PRICKLE3: variants seen among roughly 807,000 people sequenced by gnomAD.
PRICKLE3 encodes prickle planar cell polarity protein 3, also known as LIM domain only protein 6.
Under a neutral mutation model 33.8 loss-of-function variants are expected in PRICKLE3, and 17 were observed. The observed-to-expected ratio is 0.50, with a 90% CI of 0.34 to 0.75. The LOEUF is 0.75. PRICKLE3 is among the 30% of genes least tolerant of loss of function. The pLI, the probability that PRICKLE3 is intolerant of heterozygous loss-of-function variation, is 0.01. For missense variants in PRICKLE3, 573 were observed against 576.7 expected, an observed-to-expected ratio of 0.99 and a Z score of 0.07; for synonymous variants, 211 against 219.6, an observed-to-expected ratio of 0.96 and a Z score of 0.34.
At chrX:49,184,501 C>T in intron 2 of PRICKLE3, 124 bp downstream of exon 2, 2 of 659,079 alleles carry the variant, frequency 3.0e-6, no homozygotes, top group Non-Finnish European at 4.4e-6. Flanking sequence ...GCCTGAGGCT[C>T]TTTTCCCAAC....
chrX:49,180,614 C>T (rs781907340), intron 3 of PRICKLE3, among the ~76,000 whole-genome samples: 1 of 111,635 alleles, frequency 9.0e-6, no homozygotes, highest in East Asian at 2.8e-4. Context: ...TTCCAGGACA[C>T]CACACAGTCC....
At position 49,179,804 on chromosome X, in the gene PRICKLE3, T is replaced by C. The variant is rs1203590039; in HGVS notation, c.315A>G (p.Val105=). 1.9e-6 allele frequency: 2 copies of C among 1,073,914 alleles called. No individual in the cohort carries two copies. The highest frequency in any genetic ancestry group is 2.5e-6 in the Non-Finnish European group (2 of 797,166). 88.5% of individuals were successfully genotyped at this position (1,073,914 alleles called of 1,213,427 possible). Residue 105 remains valine (V), a splice_region_variant and synonymous_variant, in exon 4 of 9, where the codon GTA becomes GTG. Transcript: ENST00000599218. ...WVPPGLKPEQ[V]YQFFSCLPED... ...CTGGGAGGCAGCTGAAAAATTGATA[T>C]ACCTGGGAGGACATAGGAGTGGGAG...
In PRICKLE3 at chrX:49,175,619, G is replaced by A. The variant is rs1182174193; in HGVS notation, c.*54C>T. On this transcript the variant is annotated 3_prime_UTR_variant, in exon 9 of 9. Transcript: ENST00000599218. ...CGGGGCGTGGGGGTGAGGGGCATGG[G>A]CCTCATCATCTACTCTGACTGGAGA... 19 of 1,064,547 alleles carry A rather than the reference G, an allele frequency of 1.8e-5. No homozygotes were observed. Among genetic ancestry groups the A allele is most frequent in the Non-Finnish European group, 2.4e-5 (19 of 779,023 alleles). 87.7% of individuals were successfully genotyped at this position (1,064,547 alleles called of 1,213,427 possible).
chrX:49,180,512 T>C (rs2065443651), intron 3 of PRICKLE3, among the ~76,000 whole-genome samples: 2 of 111,289 alleles, frequency 1.8e-5, no homozygotes, highest in South Asian at 7.6e-4. Context: ...TTAAAATCAT[T>C]GTTCAGGTCT....
At chrX:49,180,035 CTTTTTT>C (rs150588040) in intron 3 of PRICKLE3, among the ~76,000 whole-genome samples, 3 of 54,392 alleles carry the variant, frequency 5.5e-5, no homozygotes, top group South Asian at 2.0e-3. Context: ...TGCTGATCAC[CTTTTTT>C]TTTTTTTTTT....
chrX:49,178,488 AAG>A lies in PRICKLE3; in HGVS notation c.565-15_565-14del. ...TCTGCTTTCCGCACTGCCATGAGAC[AAG>A]CACCAAGATGGTTACCATCACTGTC... On this transcript the variant is annotated splice_polypyrimidine_tract_variant and intron_variant, in intron 5 of 8. Transcript: ENST00000599218. 8.3e-7 allele frequency: 1 copy of A among 1,198,491 alleles called. No individual in the cohort carries two copies. The highest frequency in any genetic ancestry group is 3.0e-5 in the East Asian group (1 of 33,581).
At chrX:49,183,394 C>T (rs1557101431) in intron 3 of PRICKLE3, among the ~76,000 whole-genome samples, 4 of 111,252 alleles carry the variant, frequency 3.6e-5, no homozygotes, top group African/African-American at 1.3e-4. Context: ...CCTGTCTCTA[C>T]AAAAAAATTT....
chrX:49,184,665 A>G lies in PRICKLE3; in HGVS notation c.88T>C (p.Cys30Arg), dbSNP rs1381252337. Reference sequence around the variant, plus strand: ...AGGAAGCCAGGGCACTGCTCCCTACAGGAGTTGCAGGGCTGGCCCCGGTCT... The same window carrying G: ...AGGAAGCCAGGGCACTGCTCCCTACGGGAGTTGCAGGGCTGGCCCCGGTCT... Reference protein sequence around the residue: ...DPDRGQPCNSCREQCPGFLLH... With the variant: ...DPDRGQPCNSRREQCPGFLLH... Residue 30 changes from cysteine (C) to arginine (R), a missense_variant, in exon 2 of 9, where the codon TGT becomes CGT. Cys to Arg is a radical substitution (Grantham distance 180, BLOSUM62 -3). Transcript: ENST00000599218. The G allele has an allele frequency of 1.7e-6, 2 of 1,148,416 alleles. No individual in the cohort carries two copies. The highest frequency in any genetic ancestry group is 2.3e-6 in the Non-Finnish European group (2 of 862,179). 94.6% of individuals were successfully genotyped at this position (1,148,416 alleles called of 1,213,427 possible).
chrX:49,177,177 G>A lies in PRICKLE3; in HGVS notation c.981C>T (p.Tyr327=), dbSNP rs782473366. 6 of 1,183,223 alleles carry A rather than the reference G, an allele frequency of 5.1e-6. No individual in the cohort carries two copies. Among genetic ancestry groups the A allele is most frequent in the African/African-American group, 1.8e-5 (1 of 56,338 alleles). The change falls in exon 8 of 9, where the codon TAC becomes TAT. Residue 327 remains tyrosine, a synonymous_variant. Transcript: ENST00000599218. ...HIGLDQGQMA[Y]EGQHWHASDR... ...CTGAGGCATGCCAGTGCTGGCCCTC[G>A]TAAGCCATCTGGCCTTGGTCCAGGC... is the stretch of plus-strand genomic sequence containing the variant.
intron 7 of PRICKLE3, 62 bp from the exon 8 acceptor site, chrX:49,177,264 G>C (rs1602598279): frequency 1.9e-6 from 2 of 1,032,106 alleles, no homozygotes; most frequent in Non-Finnish European, 2.5e-6. Context: ...CCCACCCCTC[G>C]TGAACGAGTC....
intron 3 of PRICKLE3, chrX:49,183,481 C>T (rs1001552731): frequency 6.6e-6 from 4 of 604,050 alleles, no homozygotes; most frequent in Non-Finnish European, 9.8e-6. Flanking sequence ...CAGAGTGAGA[C>T]CCTGTCTCAA....
At position 49,175,681 on chromosome X, in the gene PRICKLE3, C is replaced by T. The variant is rs782595417; in HGVS notation, c.1840G>A (p.Val614Met). 6.4e-5 allele frequency: 77 copies of T among 1,206,959 alleles called. No homozygotes were observed. The highest frequency in any genetic ancestry group is 5.6e-4 in the East Asian group (19 of 33,733). Residue 614 changes from valine to methionine, a missense_variant, in exon 9 of 9, where the codon GTG (valine) becomes ATG (methionine). Val to Met is a conservative substitution (Grantham distance 21, BLOSUM62 1). Transcript: ENST00000599218. ...TCCAGGACGGCCTGCCTTCAAGCCA[C>T]GATGCAGTTCTTGTCTCGGGCCTGA... ...PRQARDKNCI[V>M]A
rs782448663 is a variant in PRICKLE3, at chrX:49,174,882, T to C, written c.*791A>G. ...CCCTCCTGGGTGTGGCCACCATATG[T>C]GTGTGCCTAGGTCCTCCTTCTGCAC... On this transcript the variant is annotated 3_prime_UTR_variant, in exon 9 of 9. Transcript: ENST00000599218. 1 of 493,810 alleles carries C rather than the reference T, an allele frequency of 2.0e-6. No homozygotes were observed. Among genetic ancestry groups the C allele is most frequent in the East Asian group, 3.7e-5 (1 of 27,225 alleles). The allele number at this position is 493,810 out of a possible 1,213,427, so 40.7% of individuals were successfully genotyped here.
chrX:49,175,090 C>T lies in PRICKLE3; in HGVS notation c.*583G>A, dbSNP rs2065407793. The T allele has an allele frequency of 3.9e-5, 10 of 257,990 alleles. No homozygotes were observed. Among genetic ancestry groups the T allele is most frequent in the Non-Finnish European group, 6.2e-5 (9 of 145,404 alleles). 21.3% of individuals were successfully genotyped at this position (257,990 alleles called of 1,213,427 possible). On this transcript the variant is annotated 3_prime_UTR_variant, in exon 9 of 9. Transcript: ENST00000599218. ...GAATAATAAACATTGTTAAAATATA[C>T]GATAATGAATAAAGTAATCCTTTCA... is the stretch of plus-strand genomic sequence containing the variant.
Position 49,183,776 on chromosome X carries a change from C to G in PRICKLE3, c.270G>C (p.Ser90=). ...CTGGGGGCACCCAGGCATACTCCTC[C>G]GATGCACAGCCTGAGTCGTCGTCGG... ...SISDDDSGCA[S]EEYAWVPPGL... is the part of the protein sequence containing the mutation. The change falls in exon 3 of 9, where the codon TCG becomes TCC. Residue 90 remains serine (S), a synonymous_variant. Coordinates refer to ENST00000599218, the MANE Select transcript of PRICKLE3 (RefSeq NM_006150.5). 8.3e-7 allele frequency: 1 copy of G among 1,211,544 alleles called. No homozygotes were observed. The highest frequency in any genetic ancestry group is 1.7e-5 in the African/African-American group (1 of 57,692).
rs782770688 is a variant in PRICKLE3, at chrX:49,183,611, C to T, written c.312+123G>A. On this transcript the variant is annotated intron_variant, in intron 3 of 8. Coordinates refer to ENST00000599218, the MANE Select transcript of PRICKLE3 (RefSeq NM_006150.5). Reference sequence around the variant, plus strand: ...ATCACAGAGGGGCCAGAAGGACCCTCGGTCTGACTGCACACTCTAGCGTAG... The same window carrying T: ...ATCACAGAGGGGCCAGAAGGACCCTTGGTCTGACTGCACACTCTAGCGTAG... 3.7e-5 allele frequency: 42 copies of T among 1,144,803 alleles called. No homozygotes were observed. In the Admixed American group the frequency reaches 4.5e-4, roughly 12 times the overall value. The allele number at this position is 1,144,803 out of a possible 1,213,427, so 94.3% of individuals were successfully genotyped here.
At position 49,179,273 on chromosome X, in the gene PRICKLE3, A is replaced by T. The variant is rs781810341; in HGVS notation, c.542T>A (p.Ile181Asn). ...RGIVRIFPVT[I>N]TGAICEECGK... ...CACCTCCTCACAGATGGCCCCAGTG[A>T]TGGTCACCGGGAAGATGCGCACGAT... The change falls in exon 5 of 9, where the codon ATC becomes AAC. Residue 181 changes from isoleucine to asparagine, a missense_variant. By Grantham distance (149) the Ile-to-Asn change is moderately radical (BLOSUM62 -3). Coordinates refer to ENST00000599218, the MANE Select transcript of PRICKLE3 (RefSeq NM_006150.5). The T allele has an allele frequency of 3.3e-6, 4 of 1,211,161 alleles. No homozygotes were observed. Among genetic ancestry groups the T allele is most frequent in the Non-Finnish European group, 4.5e-6 (4 of 895,208 alleles).
At chrX:49,180,588 A>G (rs978557496) in intron 3 of PRICKLE3, among the ~76,000 whole-genome samples, 28 of 111,029 alleles carry the variant, frequency 2.5e-4, no homozygotes, top group African/African-American at 8.5e-4. Context: ...TCCTGGAAAC[A>G]CTTTCTTCCC....
Position 49,175,005 on chromosome X carries a change from G to C in PRICKLE3, c.*668C>G. The C allele has an allele frequency of 2.4e-6, 1 of 409,347 alleles. No homozygotes were observed. 33.7% of individuals were successfully genotyped at this position (409,347 alleles called of 1,213,427 possible). ...TTAGATTTCAGAGTCCAGGCCCTAG[G>C]TTGGGACCCACTCCAAATAATCTCC... On this transcript the variant is annotated 3_prime_UTR_variant, in exon 9 of 9. Transcript: ENST00000599218.
Sources: gnomAD v4.1 joint callset for allele counts (sites outside exome capture counted in the v4.1 genomes callset) on GRCh38, gnomAD v4.1.1 for gene constraint, MANE v1.5 for transcripts, NCBI Gene and HGNC (gene_info 2026-07-23, HGNC 2026-07-21) for gene names.